The following SPOCK3 variants were observed in gnomAD, a reference collection of about 807,000 sequenced individuals.
The protein encoded by SPOCK3 is SPARC (osteonectin), cwcv and kazal like domains proteoglycan 3, also known as testican-3.
In SPOCK3, 30 loss-of-function variants were observed where a neutral mutation model predicts 56.6. That is an observed-to-expected ratio of 0.53 (90% CI 0.40 to 0.72). SPOCK3 has a LOEUF of 0.72. Among genes scored for constraint, SPOCK3 ranks in the 30% least tolerant of loss-of-function variants. The pLI is 0.00. For synonymous variants in SPOCK3, 196 were observed against 183.3 expected, an observed-to-expected ratio of 1.07 and a Z score of -0.56; for missense variants, 527 against 530.0, an observed-to-expected ratio of 0.99 and a Z score of 0.06.
intron 4 of SPOCK3, among the ~76,000 whole-genome samples, chr4:166,975,343 T>C (rs1745829473): frequency 6.6e-6 from 1 of 152,160 alleles, no homozygotes; most frequent in African/African-American, 2.4e-5. Context: ...TACATATGTA[T>C]CTTTTAAAAA....
intron 4 of SPOCK3, among the ~76,000 whole-genome samples, chr4:166,981,034 T>A (rs1223702817): frequency 6.6e-6 from 1 of 152,076 alleles, no homozygotes; most frequent in Non-Finnish European, 1.5e-5. Context: ...AACTGGAGGG[T>A]GAGCAAGGCA....
chr4:167,056,637 A>C (rs1450652123), intron 3 of SPOCK3, among the ~76,000 whole-genome samples: 1 of 152,246 alleles, frequency 6.6e-6, no homozygotes, highest in East Asian at 1.9e-4. Context: ...TACGTGAAGA[A>C]TGCAGAAGCC....
At chr4:166,809,555 T>C (rs1743544696) in intron 6 of SPOCK3, among the ~76,000 whole-genome samples, 1 of 152,088 alleles carries the variant, frequency 6.6e-6, no homozygotes, top group Non-Finnish European at 1.5e-5. Context: ...GATGTTGAAA[T>C]AGAATAATAC....
intron 2 of SPOCK3, among the ~76,000 whole-genome samples, chr4:167,121,746 T>G (rs1761881338): frequency 6.6e-6 from 1 of 152,194 alleles, no homozygotes; most frequent in African/African-American, 2.4e-5. Flanking sequence ...ATAGCAGTGA[T>G]AGCCTGCTGT....
At chr4:166,875,791 G>A (rs1733017489) in intron 6 of SPOCK3, among the ~76,000 whole-genome samples, 1 of 152,202 alleles carries the variant, frequency 6.6e-6, no homozygotes, top group Admixed American at 6.6e-5. Flanking sequence ...TAGACAAAGT[G>A]CCAAGTGAAG....
At chr4:166,766,279 A>G (rs1315828786) in intron 7 of SPOCK3, among the ~76,000 whole-genome samples, 1 of 152,184 alleles carries the variant, frequency 6.6e-6, no homozygotes, top group African/African-American at 2.4e-5. Flanking sequence ...TTTCAAAGGG[A>G]ATGCTTCCAG....
At position 167,070,790 on chromosome 4, in the gene SPOCK3, C is replaced by T. The variant is rs552587646; in HGVS notation, c.190-8253G>A. ...GAGGAAACTTTCCTGTGTAGAAATA[C>T]TTAATACATGATTTGATCACAAAAT... On this transcript the variant is annotated intron_variant, in intron 2 of 10. Coordinates refer to ENST00000357545, the MANE Select transcript of SPOCK3 (RefSeq NM_001040159.2). Among the ~76,000 whole-genome samples, 17 of 151,986 alleles carry T rather than the reference C, an allele frequency of 1.1e-4. No homozygotes were observed. The South Asian group carries it at 3.3e-3, about 30-fold the overall frequency.
At chr4:166,991,605 AG>A (rs1348121222) in intron 4 of SPOCK3, among the ~76,000 whole-genome samples, 4 of 151,964 alleles carry the variant, frequency 2.6e-5, no homozygotes, top group African/African-American at 9.7e-5. Context: ...CATGGCCTCA[AG>A]TCACCTGCCC....
At chr4:167,153,026 T>C (rs1397159594) in intron 2 of SPOCK3, among the ~76,000 whole-genome samples, 1 of 152,214 alleles carries the variant, frequency 6.6e-6, no homozygotes, top group African/African-American at 2.4e-5. Flanking sequence ...TAGTGTTAGA[T>C]GCTATGCTAA....
At chr4:166,876,360 T>C (rs1305740563) in intron 6 of SPOCK3, among the ~76,000 whole-genome samples, 8 of 152,190 alleles carry the variant, frequency 5.3e-5, no homozygotes, top group Non-Finnish European at 1.2e-4. Flanking sequence ...GAATTTTTTC[T>C]TTCCTCTTGA....
In SPOCK3 at chr4:166,949,961, G is replaced by C. The variant is rs183582873; in HGVS notation, c.351-37218C>G. On this transcript the variant is annotated intron_variant, in intron 4 of 10. Transcript: ENST00000357545. ...CACTAAACATGCAAAGGAACAATCG[G>C]TACCAGCCACTGCAAAATCATGCCA... Among the ~76,000 whole-genome samples the C allele has an allele frequency of 1.1e-3, 172 of 150,922 alleles. 8 individuals carry two copies. Among genetic ancestry groups the C allele is most frequent in the African/African-American group, 3.9e-3 (157 of 40,402 alleles).
chr4:167,158,114 G>A (rs1005638067), intron 2 of SPOCK3, among the ~76,000 whole-genome samples: 3 of 151,822 alleles, frequency 2.0e-5, no homozygotes, highest in African/African-American at 7.3e-5. Flanking sequence ...TATAGTCTGA[G>A]GAGGATAGAG....
intron 8 of SPOCK3, among the ~76,000 whole-genome samples, chr4:166,747,726 T>G (rs1270204128): frequency 6.6e-6 from 1 of 151,972 alleles, no homozygotes; most frequent in Non-Finnish European, 1.5e-5. Context: ...GATTGTATAT[T>G]TAGAAAACCC....
At chr4:166,879,022 T>C (rs1449260755) in intron 6 of SPOCK3, among the ~76,000 whole-genome samples, 1 of 152,168 alleles carries the variant, frequency 6.6e-6, no homozygotes, top group Non-Finnish European at 1.5e-5. Context: ...AAAATGGCTA[T>C]GGATTTATGT....
intron 2 of SPOCK3, among the ~76,000 whole-genome samples, chr4:167,107,713 T>C (rs959501397): frequency 6.6e-6 from 1 of 151,500 alleles, no homozygotes; most frequent in Non-Finnish European, 1.5e-5. Context: ...CTTAAAGACA[T>C]CACAAAAAAA....
intron 2 of SPOCK3, among the ~76,000 whole-genome samples, chr4:167,063,277 CT>C (rs1755787915): frequency 6.6e-6 from 1 of 151,758 alleles, no homozygotes; most frequent in Non-Finnish European, 1.5e-5. Context: ...GCCAAATAGA[CT>C]ATGTCTATTT....
At chr4:167,008,727 GT>G (rs150171728) in intron 3 of SPOCK3, among the ~76,000 whole-genome samples, 2,445 of 152,126 alleles carry the variant, frequency 0.016, 55 homozygotes, top group African/African-American at 0.055. Context: ...TCTAAGTGAA[GT>G]AACACAGAAA....
At chr4:166,918,414 C>T (rs547523362) in intron 4 of SPOCK3, 1 of 152,122 alleles carries the variant, frequency 6.6e-6, no homozygotes, top group South Asian at 2.1e-4. Context: ...CAAATACTAA[C>T]CAGGCCCAGC....
intron 2 of SPOCK3, among the ~76,000 whole-genome samples, chr4:167,164,978 T>C (rs1765632908): frequency 6.6e-6 from 1 of 152,168 alleles, no homozygotes; most frequent in Non-Finnish European, 1.5e-5. Flanking sequence ...CTGGGTCAAA[T>C]GATATATCTG....
Sources: gnomAD v4.1 joint callset for allele counts (sites outside exome capture counted in the v4.1 genomes callset) on GRCh38, gnomAD v4.1.1 for gene constraint, MANE v1.5 for transcripts, NCBI Gene and HGNC (gene_info 2026-07-23, HGNC 2026-07-21) for gene names.